ADCK2: variants seen among roughly 807,000 people sequenced by gnomAD.
The protein encoded by ADCK2 is uncharacterized aarF domain-containing protein kinase 2.
A neutral mutation model predicts 52.3 loss-of-function variants in ADCK2; 37 were observed. The observed-to-expected ratio is 0.71, with a 90% confidence interval of 0.54 to 0.93. The LOEUF is 0.93. Among genes scored for constraint, ADCK2 ranks in the 40% least tolerant of loss-of-function variants. The pLI, the probability that ADCK2 is intolerant of heterozygous loss-of-function variation, is 0.00. For synonymous variants in ADCK2, 321 were observed against 349.2 expected (o/e 0.92, Z 0.90); for missense variants, 695 against 798.7 (o/e 0.87, Z 1.56).
intron 6 of ADCK2, 42 bp downstream of exon 6, chr7:140,689,767 C>T (rs1794673513): frequency 6.4e-7 from 1 of 1,567,338 alleles, no homozygotes; most frequent in South Asian, 1.2e-5. Context: ...GGAGTCCATA[C>T]CTGGCCTGGG....
rs573109133 is a variant in ADCK2, at chr7:140,678,432, C to T, written c.1081-723C>T. Among the ~76,000 whole-genome samples the T allele has an allele frequency of 3.3e-5, 5 of 152,204 alleles. No individual in the cohort carries two copies. Among genetic ancestry groups the T allele is most frequent in the South Asian group, 4.2e-4 (2 of 4,816 alleles). On this transcript the variant is annotated intron_variant, in intron 2 of 7. Transcript: ENST00000072869. The surrounding 1 kb of genome is among the most constrained non-coding windows in gnomAD (Gnocchi z 4.9). ...GGGATCAAGGTGCTGTCAGAGGAGGCGCCGGCTGAGGGCTTGGTGGCTGTC... is the reference window on the plus strand; with the variant it reads ...GGGATCAAGGTGCTGTCAGAGGAGGTGCCGGCTGAGGGCTTGGTGGCTGTC...
chr7:140,673,643 G>T lies in ADCK2; in HGVS notation c.313G>T (p.Ala105Ser), dbSNP rs1801675083. 1 of 1,610,142 alleles carries T rather than the reference G, an allele frequency of 6.2e-7. No homozygotes were observed. Residue 105 changes from alanine (A) to serine (S), a missense_variant, in exon 1 of 8, where the codon GCT becomes TCT. By Grantham distance (99) the Ala-to-Ser change is moderately conservative. Transcript: ENST00000072869. The surrounding 1 kb of genome is among the most constrained non-coding windows in gnomAD (Gnocchi z 6.4). ...LHLRLWLRAG[A>S]LLVKFFPLLL... ...TCTCCGCCTCTGGCTTCGCGCCGGCGCTCTGTTGGTGAAATTCTTCCCCCT... is the reference window on the plus strand; with the variant it reads ...TCTCCGCCTCTGGCTTCGCGCCGGCTCTCTGTTGGTGAAATTCTTCCCCCT...
Position 140,673,347 on chromosome 7 carries a change from G to T in ADCK2, c.17G>T (p.Arg6Leu), listed in dbSNP as rs764294162. The change falls in exon 1 of 8, where the codon CGC becomes CTC. Residue 6 changes from arginine to leucine, a missense_variant. Transcript: ENST00000072869. This position sits in a 1 kb window ranked among gnomAD's most constrained non-coding sequence, Gnocchi z 6.4. MVAPW[R>L]VSVRVCLSHL... ...CTCGGGAGGATGGTGGCGCCCTGGC[G>T]CGTCTCCGTCAGGGTTTGCCTGTCG... 3 of 1,459,732 alleles carry T rather than the reference G, an allele frequency of 2.1e-6. No homozygotes were observed. The highest frequency in any genetic ancestry group is 2.6e-5 in the East Asian group (1 of 38,734). The allele number at this position is 1,459,732 out of a possible 1,614,324, so 90.4% of individuals were successfully genotyped here. A position where few individuals can be genotyped will look rare whatever the true frequency, so the allele number is the denominator to read the frequency against.
Position 140,694,744 on chromosome 7 carries a change from C to T in ADCK2, c.1822C>T (p.Leu608=), listed in dbSNP as rs937987383. The part of the protein sequence containing the change: ...EGLGRSLDPK[L]DILEAARPFL... ...GCTTGGCCGCTCACTGGACCCCAAACTGGACATCCTGGAGGCAGCGAGGCC... is the reference window on the plus strand; with the variant it reads ...GCTTGGCCGCTCACTGGACCCCAAATTGGACATCCTGGAGGCAGCGAGGCC... Residue 608 remains leucine (L), a synonymous_variant, in exon 8 of 8, where the codon CTG becomes TTG. Transcript: ENST00000072869. 31 of 1,614,050 alleles carry T rather than the reference C, an allele frequency of 1.9e-5. No homozygotes were observed. Among genetic ancestry groups the T allele is most frequent in the Admixed American group, 5.0e-5 (3 of 60,000 alleles).
chr7:140,673,963 GGCCCAGGTGTACAAA>G lies in ADCK2; in HGVS notation c.636_650del (p.Gln213_Ala217del). ...GGGAACCTGTGGGCTCAGGCTGCGT[GGCCCAGGTGTACAAA>G]GCATACGCCAACACTGCCTTCCTGG... On this transcript the variant is annotated inframe_deletion, in exon 1 of 8. Coordinates refer to ENST00000072869, the MANE Select transcript of ADCK2 (RefSeq NM_052853.4). This position sits in a 1 kb window ranked among gnomAD's most constrained non-coding sequence, Gnocchi z 6.4. 1 of 1,614,074 alleles carries G rather than the reference GGCCCAGGTGTACAAA, an allele frequency of 6.2e-7. No individual in the cohort carries two copies. Among genetic ancestry groups the G allele is most frequent in the Non-Finnish European group, 8.5e-7 (1 of 1,180,050 alleles).
chr7:140,691,903 CCA>C (rs997898418), intron 7 of ADCK2, among the ~76,000 whole-genome samples: 21 of 152,342 alleles, frequency 1.4e-4, no homozygotes, highest in African/African-American at 5.1e-4. Flanking sequence ...CATCTGCTCC[CCA>C]CACAGTTTCC....
intron 6 of ADCK2, 122 bp from the exon 7 acceptor site, chr7:140,690,638 T>G (rs1585854889): frequency 1.3e-6 from 1 of 787,898 alleles, no homozygotes; most frequent in Non-Finnish European, 2.1e-6. Context: ...TGCTGACTGG[T>G]GTATGTGTGC....
At position 140,693,462 on chromosome 7, in the gene ADCK2, C is replaced by T. The variant is rs1051671625; in HGVS notation, c.1741-1201C>T. Among the ~76,000 whole-genome samples, 1 of 152,230 alleles carries T rather than the reference C, an allele frequency of 6.6e-6. No individual in the cohort carries two copies. Among genetic ancestry groups the T allele is most frequent in the African/African-American group, 2.4e-5 (1 of 41,464 alleles). On this transcript the variant is annotated intron_variant, in intron 7 of 7. Transcript: ENST00000072869. This position sits in a 1 kb window ranked among gnomAD's most constrained non-coding sequence, Gnocchi z 4.0. The stretch of plus-strand genomic sequence containing the variant: ...CATGATTCAACCTTCCATTTCTTGA[C>T]CTTCTGTCCACTTAAAAAGCAGATT...
At chr7:140,675,180 G>T (rs1349678575) in intron 2 of ADCK2, among the ~76,000 whole-genome samples, 1 of 152,192 alleles carries the variant, frequency 6.6e-6, no homozygotes, top group African/African-American at 2.4e-5. Context: ...GATGGAGGTT[G>T]CAGTGAGATG....
At position 140,674,112 on chromosome 7, in the gene ADCK2, G is replaced by A. The variant is rs767080374; in HGVS notation, c.782G>A (p.Arg261Gln). The A allele has an allele frequency of 4.3e-5, 70 of 1,614,022 alleles. No homozygotes were observed. Among genetic ancestry groups the A allele is most frequent in the Admixed American group, 5.0e-5 (3 of 60,002 alleles). Residue 261 changes from arginine to glutamine, a missense_variant, in exon 1 of 8, where the codon CGG becomes CAG. Coordinates refer to ENST00000072869, the MANE Select transcript of ADCK2 (RefSeq NM_052853.4). This position sits in a 1 kb window ranked among gnomAD's most constrained non-coding sequence, Gnocchi z 4.6. ...RELFGYLGNG[R>Q]KPPENLADQS... ...CTCTTTGGATACCTTGGAAATGGCCGGAAACCTCCAGAAAATCTCGCAGAC... is the reference window on the plus strand; with the variant it reads ...CTCTTTGGATACCTTGGAAATGGCCAGAAACCTCCAGAAAATCTCGCAGAC...
chr7:140,674,767 C>T lies in ADCK2; in HGVS notation c.1080+10C>T, dbSNP rs775897778. 2.5e-6 allele frequency: 4 copies of T among 1,612,934 alleles called. No individual in the cohort carries two copies. Among genetic ancestry groups the T allele is most frequent in the Non-Finnish European group, 3.4e-6 (4 of 1,179,250 alleles). On this transcript the variant is annotated intron_variant, in intron 2 of 7. Coordinates refer to ENST00000072869, the MANE Select transcript of ADCK2 (RefSeq NM_052853.4). This position sits in a 1 kb window ranked among gnomAD's most constrained non-coding sequence, Gnocchi z 4.6. Reference sequence around the variant, plus strand: ...GCTGATGGTCCAACAGGTGAGTTCTCCTCCCCTCAGCTGTAAATAGCACCT... The same window carrying T: ...GCTGATGGTCCAACAGGTGAGTTCTTCTCCCCTCAGCTGTAAATAGCACCT...
chr7:140,673,681 C>A lies in ADCK2; in HGVS notation c.351C>A (p.Tyr117Ter). ...LVKFFPLLLL[Y>*]PLTYLAPSVS... ...AATTCTTCCCCCTCCTACTCCTCTA[C>A]CCCCTCACCTACCTGGCTCCCAGCG... The change falls in exon 1 of 8, where the codon TAC becomes TAA. Residue 117 changes from tyrosine (Y) to a stop codon, truncating the protein, a stop_gained. Coordinates refer to ENST00000072869, the MANE Select transcript of ADCK2 (RefSeq NM_052853.4). LOFTEE classifies it high-confidence loss of function. The surrounding 1 kb of genome is among the most constrained non-coding windows in gnomAD (Gnocchi z 6.4). 3.1e-6 allele frequency: 5 copies of A among 1,611,680 alleles called. No homozygotes were observed. Among genetic ancestry groups the A allele is most frequent in the Non-Finnish European group, 4.2e-6 (5 of 1,179,912 alleles).
In ADCK2 at chr7:140,673,163, T is replaced by G; in HGVS notation, c.-168T>G. 2.4e-6 allele frequency: 1 copy of G among 421,862 alleles called. No individual in the cohort carries two copies. The allele number at this position is 421,862 out of a possible 1,614,324, so 26.1% of individuals were successfully genotyped here. On this transcript the variant is annotated 5_prime_UTR_variant, in exon 1 of 8. Transcript: ENST00000072869. This position sits in a 1 kb window ranked among gnomAD's most constrained non-coding sequence, Gnocchi z 6.4. ...GCGGGTGTCGGGCGGGGCGCGGGCC[T>G]CCGGCCTGAGGCCCGGCGAGGTGCT... is the stretch of plus-strand genomic sequence containing the variant.
chr7:140,690,423 G>A (rs548934365), intron 6 of ADCK2, among the ~76,000 whole-genome samples: 2 of 150,932 alleles, frequency 1.3e-5, no homozygotes, highest in Admixed American at 1.3e-4. Flanking sequence ...GGCTGGTCTC[G>A]AACTCCTGAC....
At chr7:140,677,497 T>C (rs1381044050) in intron 2 of ADCK2, among the ~76,000 whole-genome samples, 3 of 152,204 alleles carry the variant, frequency 2.0e-5, no homozygotes, top group Non-Finnish European at 2.9e-5. Flanking sequence ...TCTGTGATAG[T>C]TGCATCTGTA....
rs752393047 is a variant in ADCK2, at chr7:140,694,658, TC to T, written c.1741-3del. The T allele has an allele frequency of 1.9e-5, 31 of 1,613,370 alleles. No homozygotes were observed. The highest frequency in any genetic ancestry group is 2.6e-5 in the Non-Finnish European group (31 of 1,179,622). On this transcript the variant is annotated splice_polypyrimidine_tract_variant and splice_region_variant and intron_variant, in intron 7 of 7. Transcript: ENST00000072869. ...GAGATGAACTGTTCTGTTTTTCTGT[TC>T]CAGGTAAAGCTTGAGAGCAACTTTG... is the stretch of plus-strand genomic sequence containing the variant.
Position 140,689,701 on chromosome 7 carries a change from GA to G in ADCK2, c.1664del (p.Lys555ArgfsTer22). On this transcript the variant is annotated frameshift_variant, in exon 6 of 8. Coordinates refer to ENST00000072869, the MANE Select transcript of ADCK2 (RefSeq NM_052853.4). LOFTEE classifies it high-confidence loss of function. ...TGGCCATGCTGGTGACCCAGGCCAGGAAGAACACCATCACCCTGGAGAAGGT... is the reference window on the plus strand; with the variant it reads ...TGGCCATGCTGGTGACCCAGGCCAGGAGAACACCATCACCCTGGAGAAGGT... The part of the protein sequence containing the change: ...EMAMLVTQAR[K>X]NTITLEKLHV... 6.2e-7 allele frequency: 1 copy of G among 1,613,374 alleles called. No individual in the cohort carries two copies. The highest frequency in any genetic ancestry group is 1.1e-5 in the South Asian group (1 of 90,954).
rs1387492336 is a variant in ADCK2 at position 140,678,126 on chromosome 7, G to A, written c.1081-1029G>A. ...CTCGAGGCACCTCTGTTTGTGCTCAGGTGACTGGACCTGAGGGCATGCGCC... is the reference window on the plus strand; with the variant it reads ...CTCGAGGCACCTCTGTTTGTGCTCAAGTGACTGGACCTGAGGGCATGCGCC... On this transcript the variant is annotated intron_variant, in intron 2 of 7. Coordinates refer to ENST00000072869, the MANE Select transcript of ADCK2 (RefSeq NM_052853.4). The surrounding 1 kb of genome is among the most constrained non-coding windows in gnomAD (Gnocchi z 4.9). Among the ~76,000 whole-genome samples the A allele has an allele frequency of 6.6e-6, 1 of 152,210 alleles. No homozygotes were observed. The highest frequency in any genetic ancestry group is 2.4e-5 in the African/African-American group (1 of 41,460).
intron 4 of ADCK2, among the ~76,000 whole-genome samples, chr7:140,683,282 T>TAAAC (rs3048843): frequency 1.2e-3 from 189 of 152,158 alleles, no homozygotes; most frequent in South Asian, 9.3e-3. Flanking sequence ...AGACTCCGTC[T>TAAAC]AAACAAACAA....
Sources: gnomAD v4.1 joint callset for allele counts (sites outside exome capture counted in the v4.1 genomes callset) on GRCh38, gnomAD v4.1.1 for gene constraint, Gnocchi (gnomAD v3.1) non-coding constraint, MANE v1.5 for transcripts, NCBI Gene and HGNC (gene_info 2026-07-23, HGNC 2026-07-21) for gene names.